The following PBX3 variants were observed in gnomAD, a reference collection of about 807,000 sequenced individuals.
PBX3 encodes the protein PBX homeobox 3, also known as pre-B-cell leukemia transcription factor 3.
PBX3 carries 14 observed loss-of-function variants against 48.5 expected under a neutral mutation model. The ratio of observed to expected loss-of-function variants is 0.29; its 90% CI spans 0.19 to 0.45. PBX3 has a LOEUF of 0.45. Ranked by LOEUF, PBX3 falls within the 20% of genes least tolerant of loss-of-function variation. PBX3 has a pLI of 1.00. For synonymous variants in PBX3, 210 were observed against 200.3 expected, an observed-to-expected ratio of 1.05 and a Z score of -0.41; for missense variants, 386 against 546.7, an observed-to-expected ratio of 0.71 and a Z score of 2.93.
intron 2 of PBX3, among the ~76,000 whole-genome samples, chr9:125,827,552 CAT>C (rs1838843669): frequency 6.6e-6 from 1 of 152,084 alleles, no homozygotes; most frequent in Non-Finnish European, 1.5e-5. Flanking sequence ...TATATATACA[CAT>C]ATGTAATACC....
intron 2 of PBX3, among the ~76,000 whole-genome samples, chr9:125,778,553 G>A (rs1402596295): frequency 6.6e-6 from 1 of 151,204 alleles, no homozygotes; most frequent in Non-Finnish European, 1.5e-5. Context: ...CACTGCGCCC[G>A]GCCTTTTTTT....
chr9:125,809,775 G>A (rs1838233609), intron 2 of PBX3, among the ~76,000 whole-genome samples: 1 of 152,036 alleles, frequency 6.6e-6, no homozygotes, highest in Admixed American at 6.6e-5. Context: ...AGCCATGACT[G>A]GAAGAAGACA....
chr9:125,882,132 AGGT>A (rs1453230614), intron 2 of PBX3, among the ~76,000 whole-genome samples: 4 of 152,088 alleles, frequency 2.6e-5, no homozygotes, highest in African/African-American at 9.7e-5. Context: ...ATGGAGGATG[AGGT>A]GGGAGGGTTG....
At chr9:125,750,551 A>G (rs1836343114) in intron 2 of PBX3, among the ~76,000 whole-genome samples, 1 of 152,248 alleles carries the variant, frequency 6.6e-6, no homozygotes, top group Admixed American at 6.5e-5. Context: ...AAAGTCTGGG[A>G]TTACTGGCAG....
intron 2 of PBX3, among the ~76,000 whole-genome samples, chr9:125,812,363 G>A (rs1039266247): frequency 1.3e-5 from 2 of 152,148 alleles, no homozygotes; most frequent in South Asian, 4.1e-4. Context: ...CCAAATATAT[G>A]CATTTAACCA....
At chr9:125,838,102 A>T (rs1012595843) in intron 2 of PBX3, among the ~76,000 whole-genome samples, 2 of 152,154 alleles carry the variant, frequency 1.3e-5, no homozygotes, top group African/African-American at 2.4e-5. Context: ...TATCATCCAG[A>T]CTGAAATGCA....
At chr9:125,941,734 A>G (rs531957679) in intron 5 of PBX3, among the ~76,000 whole-genome samples, 1 of 152,248 alleles carries the variant, frequency 6.6e-6, no homozygotes, top group African/African-American at 2.4e-5. Context: ...TTCACATGTC[A>G]TATGCATTGA....
intron 2 of PBX3, among the ~76,000 whole-genome samples, chr9:125,842,911 T>TG (rs761282988): frequency 2.8e-4 from 42 of 152,282 alleles, no homozygotes; most frequent in Admixed American, 6.5e-4. Context: ...CTTTAGTTTA[T>TG]GGGGGAAATG....
At chr9:125,762,491 T>C (rs549028985) in intron 2 of PBX3, among the ~76,000 whole-genome samples, 93 of 152,322 alleles carry the variant, frequency 6.1e-4, no homozygotes, top group African/African-American at 2.0e-3. Context: ...TATGGTATTT[T>C]CTTTGCTATA....
At chr9:125,839,699 G>A (rs1470012287) in intron 2 of PBX3, among the ~76,000 whole-genome samples, 1 of 152,120 alleles carries the variant, frequency 6.6e-6, no homozygotes, top group Non-Finnish European at 1.5e-5. Flanking sequence ...TATAGTTTTG[G>A]ATTACTGGAT....
In PBX3 at chr9:125,928,424, T is replaced by TG. The variant is rs1554729911; in HGVS notation, c.517-1231_517-1230insG. 9.8e-3 allele frequency among the ~76,000 whole-genome samples: 1,226 copies of TG among 125,234 alleles called. 21 individuals carry two copies. The highest frequency in any genetic ancestry group is 0.05 in the African/African-American group (1,167 of 23,538). The allele number at this position is 125,234 out of a possible 152,430, so 82.2% of individuals were successfully genotyped here. Reference sequence around the variant, plus strand: ...TGTGTGTGTGTGTGTGTGTGTGTGTTTTTGTGTATGTACTGAAAGAGACAA... The same window carrying TG: ...TGTGTGTGTGTGTGTGTGTGTGTGTTGTTTGTGTATGTACTGAAAGAGACAA... On this transcript the variant is annotated intron_variant, in intron 3 of 8. Transcript: ENST00000373489.
intron 5 of PBX3, among the ~76,000 whole-genome samples, chr9:125,942,557 A>G (rs1275378815): frequency 6.6e-6 from 1 of 152,246 alleles, no homozygotes; most frequent in East Asian, 1.9e-4. Flanking sequence ...GAAGATGACT[A>G]TCAAATTACA....
intron 2 of PBX3, among the ~76,000 whole-genome samples, chr9:125,897,152 T>C (rs1286073603): frequency 3.3e-5 from 5 of 149,840 alleles, no homozygotes; most frequent in Admixed American, 3.3e-4. Flanking sequence ...TTTTTTTTTT[T>C]TTTTTTTTTT....
chr9:125,877,186 G>A (rs1175397222), intron 2 of PBX3, among the ~76,000 whole-genome samples: 2 of 152,162 alleles, frequency 1.3e-5, no homozygotes, highest in East Asian at 1.9e-4. Context: ...CATATAGAAG[G>A]TTTTAAATAA....
chr9:125,855,985 T>A (rs906647946), intron 2 of PBX3, among the ~76,000 whole-genome samples: 1 of 152,008 alleles, frequency 6.6e-6, no homozygotes, highest in Non-Finnish European at 1.5e-5. Flanking sequence ...AATAAAAAAA[T>A]TTACAACATA....
rs995983511 is a variant in PBX3, at chr9:125,759,234, G to C, written c.274+10611G>C. 6.6e-6 allele frequency among the ~76,000 whole-genome samples: 1 copy of C among 152,206 alleles called. No homozygotes were observed. The highest frequency in any genetic ancestry group is 1.5e-5 in the Non-Finnish European group (1 of 68,046). ...GACTTCAGTTTAATGGCAAAAATCTGCCCTAAATGCCTCAGTAAATATATG... is the reference window on the plus strand; with the variant it reads ...GACTTCAGTTTAATGGCAAAAATCTCCCCTAAATGCCTCAGTAAATATATG... On this transcript the variant is annotated intron_variant, in intron 2 of 8. Transcript: ENST00000373489. The surrounding 1 kb of genome is among the most constrained non-coding windows in gnomAD (Gnocchi z 4.2).
At chr9:125,822,208 C>A (rs1345992538) in intron 2 of PBX3, among the ~76,000 whole-genome samples, 1 of 152,026 alleles carries the variant, frequency 6.6e-6, no homozygotes, top group Non-Finnish European at 1.5e-5. Flanking sequence ...TGGCAGAGAG[C>A]TAACTTATTT....
intron 2 of PBX3, among the ~76,000 whole-genome samples, chr9:125,806,553 A>G (rs1015911583): frequency 2.6e-5 from 4 of 152,160 alleles, no homozygotes; most frequent in Non-Finnish European, 5.9e-5. Context: ...CAGGCCTCTT[A>G]TAAGAGCACT....
chr9:125,836,369 C>T (rs562704138), intron 2 of PBX3, among the ~76,000 whole-genome samples: 8 of 152,090 alleles, frequency 5.3e-5, no homozygotes, highest in Non-Finnish European at 8.8e-5. Context: ...GGCATGAACC[C>T]GGGAAGCGGA....
Sources: allele counts gnomAD v4.1 joint callset (sites outside exome capture counted in the v4.1 genomes callset), GRCh38; gene constraint gnomAD v4.1.1; non-coding constraint Gnocchi (gnomAD v3.1); transcripts MANE v1.5; gene names NCBI Gene and HGNC (gene_info 2026-07-23, HGNC 2026-07-21).